GABRB2: variants seen among roughly 807,000 people sequenced by gnomAD.
GABRB2 encodes gamma-aminobutyric acid type A receptor subunit beta2.
Under a neutral mutation model 54.7 loss-of-function variants are expected in GABRB2, and 16 were observed. The observed-to-expected ratio is 0.29, with a 90% CI of 0.20 to 0.44. The LOEUF (loss-of-function observed/expected upper bound fraction) is 0.44, where lower values mean the gene tolerates loss of function less well. GABRB2 is among the 20% of genes least tolerant of loss of function. The probability of loss-of-function intolerance (pLI) is 1.00; values close to 1 mark genes in which losing one functional copy is unlikely to be tolerated. For missense variants in GABRB2, 355 were observed against 644.0 expected (o/e 0.55, Z 4.86); for synonymous variants, 244 against 233.8 (o/e 1.04, Z -0.40).
intron 3 of GABRB2, among the ~76,000 whole-genome samples, chr5:161,509,332 G>A (rs1469289099): frequency 6.6e-6 from 1 of 151,900 alleles, no homozygotes; most frequent in Non-Finnish European, 1.5e-5. Flanking sequence ...ATACAGTCCA[G>A]CAATATCAAT....
At chr5:161,537,228 T>C (rs1760665983) in intron 3 of GABRB2, among the ~76,000 whole-genome samples, 1 of 152,314 alleles carries the variant, frequency 6.6e-6, no homozygotes, top group South Asian at 2.1e-4. Context: ...CAGATTTCCA[T>C]TTTTAGCTGT....
chr5:161,507,158 A>G (rs563972209), intron 3 of GABRB2, among the ~76,000 whole-genome samples: 181 of 152,232 alleles, frequency 1.2e-3, no homozygotes, highest in African/African-American at 3.9e-3. Flanking sequence ...AACCTGAGAA[A>G]CTGTCATACA....
intron 3 of GABRB2, among the ~76,000 whole-genome samples, chr5:161,520,393 C>T (rs1178090094): frequency 1.3e-5 from 2 of 152,010 alleles, no homozygotes; most frequent in Admixed American, 6.6e-5. Context: ...TATTTGTATG[C>T]TTTAATTTAA....
intron 3 of GABRB2, among the ~76,000 whole-genome samples, chr5:161,495,973 G>C (rs752721160): frequency 3.3e-5 from 5 of 152,118 alleles, no homozygotes; most frequent in Non-Finnish European, 7.4e-5. Context: ...CTGGACTTAT[G>C]AGAAGTCAGG....
chr5:161,506,652 AAAAT>A (rs1759614584), intron 3 of GABRB2, among the ~76,000 whole-genome samples: 1 of 152,120 alleles, frequency 6.6e-6, no homozygotes, highest in Non-Finnish European at 1.5e-5. Flanking sequence ...ATGAAATTAT[AAAAT>A]AGTTATTATG....
chr5:161,483,215 T>G (rs1463507285), intron 3 of GABRB2, among the ~76,000 whole-genome samples: 1 of 151,968 alleles, frequency 6.6e-6, no homozygotes, highest in African/African-American at 2.4e-5. Flanking sequence ...CGAACACCAT[T>G]CCCAACCTTT....
chr5:161,477,284 C>CAAAAAAA (rs70990786), intron 3 of GABRB2, among the ~76,000 whole-genome samples: 6 of 127,848 alleles, frequency 4.7e-5, no homozygotes, highest in Admixed American at 7.6e-5. Flanking sequence ...CAAACAAAAG[C>CAAAAAAA]AAAAAAAAAA....
chr5:161,358,243 G>C (rs1257306412), intron 5 of GABRB2, among the ~76,000 whole-genome samples: 1 of 152,132 alleles, frequency 6.6e-6, no homozygotes, highest in Non-Finnish European at 1.5e-5. Flanking sequence ...AGTTTCAATT[G>C]CTCCTGCTAG....
intron 8 of GABRB2, chr5:161,327,074 A>ACACG (rs1758388948): frequency 1.7e-6 from 1 of 585,080 alleles, no homozygotes; most frequent in East Asian, 1.4e-4. Flanking sequence ...ACACACACAC[A>ACACG]CAAACTAGAA....
chr5:161,479,008 CT>C (rs1758675297), intron 3 of GABRB2, among the ~76,000 whole-genome samples: 1 of 152,026 alleles, frequency 6.6e-6, no homozygotes, highest in Non-Finnish European at 1.5e-5. Context: ...TGCTTTCATG[CT>C]TTTGACAAGC....
chr5:161,306,449 C>T (rs1056583437), intron 9 of GABRB2, among the ~76,000 whole-genome samples: 1 of 152,216 alleles, frequency 6.6e-6, no homozygotes, highest in African/African-American at 2.4e-5. Context: ...CTCCTACCTC[C>T]TCTTGTTTTT....
chr5:161,452,636 C>A (rs1757821311), intron 4 of GABRB2, among the ~76,000 whole-genome samples: 1 of 152,150 alleles, frequency 6.6e-6, no homozygotes, highest in Non-Finnish European at 1.5e-5. Context: ...CAAACCCCAG[C>A]ATTGCCCAAT....
At chr5:161,404,997 G>A (rs1460913084) in intron 5 of GABRB2, among the ~76,000 whole-genome samples, 1 of 152,108 alleles carries the variant, frequency 6.6e-6, no homozygotes, top group Non-Finnish European at 1.5e-5. Context: ...TTCACCAGCT[G>A]TAACTGCTAT....
chr5:161,362,858 C>A (rs1161989573), intron 5 of GABRB2, among the ~76,000 whole-genome samples: 2 of 152,040 alleles, frequency 1.3e-5, no homozygotes, highest in Admixed American at 1.3e-4. Flanking sequence ...GAATGGCCAT[C>A]ATTAATAAGT....
chr5:161,419,943 G>A (rs895373883), intron 4 of GABRB2, among the ~76,000 whole-genome samples: 30 of 152,036 alleles, frequency 2.0e-4, no homozygotes, highest in Non-Finnish European at 1.5e-5. Context: ...ACCTGATCAT[G>A]TAACCTCTGA....
At chr5:161,531,293 G>GA (rs1760453820) in intron 3 of GABRB2, among the ~76,000 whole-genome samples, 1 of 152,054 alleles carries the variant, frequency 6.6e-6, no homozygotes, top group South Asian at 2.1e-4. Context: ...AGTATTTCTG[G>GA]AAAAATCTAC....
chr5:161,505,120 T>G (rs1759566095), intron 3 of GABRB2, among the ~76,000 whole-genome samples: 1 of 151,668 alleles, frequency 6.6e-6, no homozygotes, highest in African/African-American at 2.4e-5. Context: ...TTTTTTTTTT[T>G]TTTTGTTTGT....
intron 5 of GABRB2, among the ~76,000 whole-genome samples, chr5:161,379,514 T>G (rs1315864538): frequency 6.6e-6 from 1 of 152,194 alleles, no homozygotes; most frequent in African/African-American, 2.4e-5. Flanking sequence ...ACAAGACACC[T>G]ACAGATGATC....
intron 5 of GABRB2, among the ~76,000 whole-genome samples, chr5:161,345,456 C>T (rs1561616342): frequency 6.6e-6 from 1 of 151,980 alleles, no homozygotes; most frequent in Non-Finnish European, 1.5e-5. Flanking sequence ...CTACCTGCAG[C>T]CTCATTTTCT....
Sources: allele counts gnomAD v4.1 joint callset (sites outside exome capture counted in the v4.1 genomes callset), GRCh38; gene constraint gnomAD v4.1.1; transcripts MANE v1.5; gene names NCBI Gene and HGNC (gene_info 2026-07-23, HGNC 2026-07-21).